Variants in MAMDC4 observed in about 807,000 individuals in gnomAD.
MAMDC4 encodes MAM domain containing 4, also known as apical endosomal glycoprotein.
Under a neutral mutation model 153.3 loss-of-function variants are expected in MAMDC4, and 168 were observed. The ratio of observed to expected loss-of-function variants is 1.10; its 90% confidence interval spans 0.97 to 1.25. The LOEUF is 1.25. Among genes scored for constraint, MAMDC4 ranks in the 50% most tolerant of loss-of-function variants. The pLI is 0.00. For synonymous variants in MAMDC4, 744 were observed against 651.5 expected, an observed-to-expected ratio of 1.14 and a Z score of -2.16; for missense variants, 1,701 against 1,542.8, an observed-to-expected ratio of 1.10 and a Z score of -1.72.
chr9:136,853,344 C>A lies in MAMDC4; in HGVS notation c.214C>A (p.Pro72Thr). The A allele has an allele frequency of 6.2e-7, 1 of 1,607,166 alleles. No individual in the cohort carries two copies. The highest frequency in any genetic ancestry group is 8.5e-7 in the Non-Finnish European group (1 of 1,175,804). Reference sequence around the variant, plus strand: ...CTTCGCCTGTGACTTCGAGCAGGACCCCTGCGGCTGGCGGGACATTAGTAC... The same window carrying A: ...CTTCGCCTGTGACTTCGAGCAGGACACCTGCGGCTGGCGGGACATTAGTAC... Reference protein sequence around the residue: ...APFACDFEQDPCGWRDISTSG... With the variant: ...APFACDFEQDTCGWRDISTSG... The change falls in exon 3 of 27, where the codon CCC becomes ACC. Residue 72 changes from proline (P) to threonine (T), a missense_variant. Pro to Thr is a conservative substitution (Grantham distance 38, BLOSUM62 -1). Coordinates refer to ENST00000317446, the MANE Select transcript of MAMDC4 (RefSeq NM_206920.3).
At chr9:136,853,035 G>A (rs1848948430) in intron 1 of MAMDC4, 67 bp from the exon 2 acceptor site, 2 of 1,377,584 alleles carry the variant, frequency 1.5e-6, no homozygotes, top group Non-Finnish European at 2.0e-6. Context: ...AAACTGAATA[G>A]TCCTAGGCAG....
chr9:136,854,443 C>G (rs1332691676), intron 7 of MAMDC4, 96 bp from the exon 8 acceptor site: 2 of 1,516,088 alleles, frequency 1.3e-6, no homozygotes, highest in African/African-American at 2.8e-5. Context: ...GATGGTCCTT[C>G]TTGGGGTGTG....
At chr9:136,854,415 GGGTGCCTT>G in intron 7 of MAMDC4, 79 bp downstream of exon 7, 4 of 1,494,858 alleles carry the variant, frequency 2.7e-6, no homozygotes, top group Non-Finnish European at 3.6e-6. Flanking sequence ...ATCCAGGAGG[GGGTGCCTT>G]GGATCCTTGG....
chr9:136,858,440 C>CA lies in MAMDC4; in HGVS notation c.2715_2716insA (p.Leu906ThrfsTer42). The CA allele has an allele frequency of 6.2e-7, 1 of 1,605,796 alleles. No homozygotes were observed. The stretch of plus-strand genomic sequence containing the variant: ...AGTCTGGCCTGTGTGGCTGGAGCCA[C>CA]CTGGCCTGGCCCGGCCTGGGCGGAT... On this transcript the variant is annotated frameshift_variant, in exon 22 of 27. Transcript: ENST00000317446. LOFTEE classifies it high-confidence loss of function.
At chr9:136,858,979 C>G (rs1401860462) in intron 23 of MAMDC4, 26 bp from the exon 24 acceptor site, 1 of 1,504,122 alleles carries the variant, frequency 6.6e-7, no homozygotes, top group Admixed American at 2.3e-5. Context: ...GACCCCAGGC[C>G]TGACACGCCC....
chr9:136,858,221 C>A lies in MAMDC4; in HGVS notation c.2619C>A (p.His873Gln). The A allele has an allele frequency of 6.3e-7, 1 of 1,599,908 alleles. No individual in the cohort carries two copies. The highest frequency in any genetic ancestry group is 8.5e-7 in the Non-Finnish European group (1 of 1,177,586). ...AGGCAGTGGCCGCAGGCGTGGCACA[C>A]TCCTACGTGGCTCTGGATGATCTGC... is the stretch of plus-strand genomic sequence containing the variant. ...VFEAVAAGVA[H>Q]SYVALDDLLL... The change falls in exon 21 of 27, where the codon CAC (histidine) becomes CAA (glutamine). Residue 873 changes from histidine (H) to glutamine (Q), a missense_variant. Transcript: ENST00000317446.
chr9:136,854,997 A>T lies in MAMDC4; in HGVS notation c.1084A>T (p.Thr362Ser). ...EAGCLQLFLQ[T>S]LGPGAPRAPV... ...TGGCTGCCTCCAGCTGTTCCTGCAG[A>T]CTCTGGGGCCCGGCGCCCCCCGGGC... Residue 362 changes from threonine to serine, a missense_variant, in exon 10 of 27, where the codon ACT becomes TCT. By Grantham distance (58) the Thr-to-Ser change is moderately conservative. Transcript: ENST00000317446. 6.2e-7 allele frequency: 1 copy of T among 1,600,332 alleles called. No individual in the cohort carries two copies. Among genetic ancestry groups the T allele is most frequent in the Non-Finnish European group, 8.5e-7 (1 of 1,176,000 alleles).
rs567015691 is a variant in MAMDC4 at position 136,859,192 on chromosome 9, C to T, written c.3085-17C>T. ...CTCCACCCAGGGCCCACACAAACTC[C>T]TTTCCTTCTCCATCAGATCGTGTTT... On this transcript the variant is annotated splice_polypyrimidine_tract_variant and intron_variant, in intron 24 of 26. Coordinates refer to ENST00000317446, the MANE Select transcript of MAMDC4 (RefSeq NM_206920.3). 6.8e-6 allele frequency: 11 copies of T among 1,607,040 alleles called. No homozygotes were observed. The Admixed American group carries it at 1.5e-4, about 22-fold the overall frequency.
In MAMDC4 at chr9:136,853,068, C is replaced by A. The variant is rs1588390549; in HGVS notation, c.47-34C>A. On this transcript the variant is annotated intron_variant, in intron 1 of 26. Transcript: ENST00000317446. ...CAGGCTGGGATGGCTGGTCACCCTGCCCCCAGGCCACCTGGCTGTCAACCT... is the reference window on the plus strand; with the variant it reads ...CAGGCTGGGATGGCTGGTCACCCTGACCCCAGGCCACCTGGCTGTCAACCT... 1.9e-6 allele frequency: 3 copies of A among 1,589,962 alleles called. No individual in the cohort carries two copies. The African/African-American group carries it at 4.0e-5, about 21-fold the overall frequency.
Position 136,853,440 on chromosome 9 carries a change from A to ACACT in MAMDC4, c.311_314dup (p.Gly106ThrfsTer51). ...GGGTCCTGGGCCTCACTCAGACCAC[A>ACACT]CACTGGGCACCGACTTGGGTGAGGC... On this transcript the variant is annotated frameshift_variant, in exon 3 of 27. Coordinates refer to ENST00000317446, the MANE Select transcript of MAMDC4 (RefSeq NM_206920.3). LOFTEE classifies it high-confidence loss of function. 6.2e-7 allele frequency: 1 copy of ACACT among 1,602,496 alleles called. No homozygotes were observed. The highest frequency in any genetic ancestry group is 1.1e-5 in the South Asian group (1 of 90,310).
Position 136,854,663 on chromosome 9 carries a change from G to C in MAMDC4, c.921G>C (p.Arg307=). 1.9e-6 allele frequency: 3 copies of C among 1,610,804 alleles called. No homozygotes were observed. The highest frequency in any genetic ancestry group is 1.3e-5 in the African/African-American group (1 of 74,990). The change falls in exon 8 of 27, where the codon CGG becomes CGC. Residue 307 remains arginine (R), a synonymous_variant. Coordinates refer to ENST00000317446, the MANE Select transcript of MAMDC4 (RefSeq NM_206920.3). Reference sequence around the variant, plus strand: ...CCTGGCCACGCCGTGACCACAGCCGGAACAGTGCACAGGGTGAGGCCCACA... The same window carrying C: ...CCTGGCCACGCCGTGACCACAGCCGCAACAGTGCACAGGGTGAGGCCCACA... ...RPSWPRRDHS[R]NSAQGSFLVS... is the part of the protein sequence containing the mutation.
At chr9:136,857,860 C>T in intron 19 of MAMDC4, 64 bp downstream of exon 19, 1 of 1,562,112 alleles carries the variant, frequency 6.4e-7, no homozygotes, top group Non-Finnish European at 8.7e-7. Flanking sequence ...TCCCCACCAG[C>T]CTTGTGCTGA....
At chr9:136,857,853 C>T (rs1226113117) in intron 19 of MAMDC4, 57 bp downstream of exon 19, 11 of 1,578,540 alleles carry the variant, frequency 7.0e-6, no homozygotes, top group Non-Finnish European at 9.5e-6. Flanking sequence ...CCTGGTGTCC[C>T]CACCAGCCTT....
rs1588391681 is a variant in MAMDC4 at position 136,854,568 on chromosome 9, G to A, written c.826G>A (p.Gly276Ser). The change falls in exon 8 of 27, where the codon GGC becomes AGC. Residue 276 changes from glycine (G) to serine (S), a missense_variant. Physicochemically the swap from Gly to Ser is moderately conservative, Grantham distance 56. Coordinates refer to ENST00000317446, the MANE Select transcript of MAMDC4 (RefSeq NM_206920.3). ...GRHIATDFET[G>S]LGPWNRSEGW... is the part of the protein sequence containing the mutation. ...CCACATAGCCACCGACTTTGAGACAGGCCTGGGCCCATGGAACCGCTCGGA... is the reference window on the plus strand; with the variant it reads ...CCACATAGCCACCGACTTTGAGACAAGCCTGGGCCCATGGAACCGCTCGGA... 1 of 1,607,344 alleles carries A rather than the reference G, an allele frequency of 6.2e-7. No homozygotes were observed. The highest frequency in any genetic ancestry group is 8.5e-7 in the Non-Finnish European group (1 of 1,177,852).
Position 136,853,229 on chromosome 9 carries a change from G to T in MAMDC4, c.154+20G>T. ...AGTGTGGTGAGCCAAGACCAGATGG[G>T]CGGGCAGGGCCAGTGCGAGCAGGTC... On this transcript the variant is annotated intron_variant, in intron 2 of 26. Transcript: ENST00000317446. The T allele has an allele frequency of 6.2e-7, 1 of 1,612,600 alleles. No homozygotes were observed.
chr9:136,854,999 T>TCTGGGGC lies in MAMDC4; in HGVS notation c.1088_1094dup (p.Pro368ArgfsTer26). 6.2e-7 allele frequency: 1 copy of TCTGGGGC among 1,602,874 alleles called. No individual in the cohort carries two copies. Among genetic ancestry groups the TCTGGGGC allele is most frequent in the Non-Finnish European group, 8.5e-7 (1 of 1,176,758 alleles). On this transcript the variant is annotated frameshift_variant, in exon 10 of 27. Coordinates refer to ENST00000317446, the MANE Select transcript of MAMDC4 (RefSeq NM_206920.3). LOFTEE classifies it high-confidence loss of function. ...GCTGCCTCCAGCTGTTCCTGCAGAC[T>TCTGGGGC]CTGGGGCCCGGCGCCCCCCGGGCCC...
At chr9:136,852,555 G>A (rs1848941890) in intron 1 of MAMDC4, 93 bp downstream of exon 1, 8 of 1,464,602 alleles carry the variant, frequency 5.5e-6, no homozygotes, top group Non-Finnish European at 7.6e-6. Context: ...CAGGGCTGAT[G>A]CCTGAGCCCC....
Position 136,853,086 on chromosome 9 carries a change from G to A in MAMDC4, c.47-16G>A. 1.9e-6 allele frequency: 3 copies of A among 1,610,544 alleles called. No homozygotes were observed. Among genetic ancestry groups the A allele is most frequent in the Non-Finnish European group, 2.5e-6 (3 of 1,178,704 alleles). Reference sequence around the variant, plus strand: ...CACCCTGCCCCCAGGCCACCTGGCTGTCAACCTCCCAGCAGCAGGGTCCTC... The same window carrying A: ...CACCCTGCCCCCAGGCCACCTGGCTATCAACCTCCCAGCAGCAGGGTCCTC... On this transcript the variant is annotated splice_polypyrimidine_tract_variant and intron_variant, in intron 1 of 26. Transcript: ENST00000317446.
At position 136,854,917 on chromosome 9, in the gene MAMDC4, G is replaced by C. The variant is rs761449920; in HGVS notation, c.1024-20G>C. ...CTGGCTGCCCCGGTGCAGGCCCCCA[G>C]CCAGCTCTTGGTTCCACAGCTGGTC... On this transcript the variant is annotated intron_variant, in intron 9 of 26. Coordinates refer to ENST00000317446, the MANE Select transcript of MAMDC4 (RefSeq NM_206920.3). 6.2e-7 allele frequency: 1 copy of C among 1,612,392 alleles called. No individual in the cohort carries two copies.
Sources: gnomAD v4.1 joint callset for allele counts on GRCh38, gnomAD v4.1.1 for gene constraint, MANE v1.5 for transcripts, NCBI Gene and HGNC (gene_info 2026-07-23, HGNC 2026-07-21) for gene names.